Variants in SRGAP2 observed in about 807,000 individuals in gnomAD.
SRGAP2 encodes SLIT-ROBO Rho GTPase-activating protein 2.
In SRGAP2, 15 loss-of-function variants were observed where a neutral mutation model predicts 57.2. The ratio of observed to expected loss-of-function variants is 0.26; its 90% CI spans 0.18 to 0.40. SRGAP2 has a LOEUF of 0.40. Among genes scored for constraint, SRGAP2 ranks in the 10% least tolerant of loss-of-function variants. The pLI is 1.00. For synonymous variants in SRGAP2, 249 were observed against 248.0 expected, an observed-to-expected ratio of 1.00 and a Z score of -0.04; for missense variants, 520 against 669.6, an observed-to-expected ratio of 0.78 and a Z score of 2.47.
At chr1:206,258,224 CA>C (rs1235605070) in intron 2 of SRGAP2, among the ~76,000 whole-genome samples, 3 of 151,796 alleles carry the variant, frequency 2.0e-5, no homozygotes, top group Non-Finnish European at 4.4e-5. Flanking sequence ...ATGAATAAGC[CA>C]TATTGGAACA....
At chr1:206,444,098 G>A (rs1553372981) in intron 17 of SRGAP2, among the ~76,000 whole-genome samples, 1 of 151,640 alleles carries the variant, frequency 6.6e-6, no homozygotes, top group African/African-American at 2.4e-5. Context: ...GCTGAGGCAG[G>A]AGAATCACTT....
intron 3 of SRGAP2, among the ~76,000 whole-genome samples, chr1:206,332,868 G>A (rs1674473876): frequency 6.6e-6 from 1 of 151,146 alleles, no homozygotes; most frequent in African/African-American, 2.4e-5. Flanking sequence ...GCGTTCCTTT[G>A]GAGGAGGAGA....
intron 3 of SRGAP2, among the ~76,000 whole-genome samples, chr1:206,307,606 G>C (rs1672320922): frequency 1.3e-5 from 2 of 152,264 alleles, no homozygotes; most frequent in African/African-American, 4.8e-5. Flanking sequence ...CCGCGGGAAG[G>C]CAGCTAAGGC....
Position 206,419,412 on chromosome 1 carries a change from C to T in SRGAP2, c.1469+12C>T, listed in dbSNP as rs1660094433. The T allele has an allele frequency of 2.6e-6, 2 of 780,624 alleles. No homozygotes were observed. The highest frequency in any genetic ancestry group is 2.7e-5 in the South Asian group (2 of 74,618). The allele number at this position is 780,624 out of a possible 1,614,324, so 48.4% of individuals were successfully genotyped here. On this transcript the variant is annotated intron_variant, in intron 12 of 22. Transcript: ENST00000573034. ...TGCAGTCTAGCCAGGTGAGTGTGGC[C>T]TGGGACAGGCCTGGGAAGTGATAGA... is the stretch of plus-strand genomic sequence containing the variant.
chr1:206,342,343 T>C (rs2102918621), intron 3 of SRGAP2, among the ~76,000 whole-genome samples: 1 of 152,236 alleles, frequency 6.6e-6, no homozygotes, highest in African/African-American at 2.4e-5. Flanking sequence ...GTGGCTAAAA[T>C]GATGGACTTC....
chr1:206,252,006 TTA>T (rs1369419716), intron 2 of SRGAP2, among the ~76,000 whole-genome samples: 9 of 89,644 alleles, frequency 1.0e-4, no homozygotes, highest in Non-Finnish European at 2.2e-5. Context: ...TGCCCGGCCC[TTA>T]TATATATTTT....
intron 10 of SRGAP2, among the ~76,000 whole-genome samples, chr1:206,414,025 TTTTC>T (rs1222255095): frequency 2.7e-5 from 4 of 148,722 alleles, no homozygotes; most frequent in Admixed American, 6.6e-5. Context: ...TTTCTTTTCT[TTTTC>T]TTTCTTTTTT....
At chr1:206,423,972 T>A (rs1457641510) in intron 13 of SRGAP2, among the ~76,000 whole-genome samples, 2 of 148,646 alleles carry the variant, frequency 1.3e-5, no homozygotes, top group Non-Finnish European at 3.0e-5. Flanking sequence ...TTTTTTTTTT[T>A]TATAGAGACT....
intron 7 of SRGAP2, among the ~76,000 whole-genome samples, chr1:206,398,017 A>G (rs1553354198): frequency 7.6e-6 from 1 of 132,098 alleles, no homozygotes; most frequent in East Asian, 2.1e-4. Context: ...TTAATGAGCT[A>G]TCAACTCAAG....
intron 2 of SRGAP2, among the ~76,000 whole-genome samples, chr1:206,301,144 G>A (rs1334740808): frequency 6.6e-6 from 1 of 152,104 alleles, no homozygotes; most frequent in Non-Finnish European, 1.5e-5. Flanking sequence ...CCATTCTCCC[G>A]CCTCAGCCTC....
chr1:206,439,378 A>G (rs2103328908), intron 16 of SRGAP2, among the ~76,000 whole-genome samples: 1 of 151,904 alleles, frequency 6.6e-6, no homozygotes, highest in Non-Finnish European at 1.5e-5. Flanking sequence ...CTTTTTACTC[A>G]TTCATAGTGC....
intron 17 of SRGAP2, among the ~76,000 whole-genome samples, chr1:206,442,789 C>G (rs1469749610): frequency 6.6e-6 from 1 of 152,192 alleles, no homozygotes; most frequent in East Asian, 1.9e-4. Context: ...CACAGGAAGA[C>G]AGCAGCTGAC....
intron 2 of SRGAP2, among the ~76,000 whole-genome samples, chr1:206,241,842 C>G (rs1668248772): frequency 6.6e-6 from 1 of 151,326 alleles, no homozygotes; most frequent in Non-Finnish European, 1.5e-5. Flanking sequence ...AATGATTGCT[C>G]TATGGATTTA....
chr1:206,442,321 G>A (rs376898475), intron 17 of SRGAP2, among the ~76,000 whole-genome samples: 3 of 152,344 alleles, frequency 2.0e-5, no homozygotes, highest in South Asian at 2.1e-4. Context: ...GTCACACAGC[G>A]TGTTCATGTG....
chr1:206,441,615 T>C (rs782688090), intron 17 of SRGAP2, among the ~76,000 whole-genome samples: 2 of 152,256 alleles, frequency 1.3e-5, no homozygotes, highest in Non-Finnish European at 2.9e-5. Context: ...ATGTGTTCTC[T>C]TCAGGTGTCT....
At chr1:206,461,012 C>A (rs1553380328) in intron 22 of SRGAP2, 25 bp from the exon 23 acceptor site, 1 of 673,496 alleles carries the variant, frequency 1.5e-6, no homozygotes, top group Non-Finnish European at 2.7e-6. Flanking sequence ...ATTTGCCTCA[C>A]CTCCTCCTTT....
Position 206,414,055 on chromosome 1 carries a change from A to G in SRGAP2, c.1357-1834A>G, listed in dbSNP as rs188238320. 9.8e-5 allele frequency among the ~76,000 whole-genome samples: 14 copies of G among 142,998 alleles called. No homozygotes were observed. The East Asian group carries it at 2.6e-3, about 26-fold the overall frequency. 93.8% of individuals were successfully genotyped at this position (142,998 alleles called of 152,430 possible). On this transcript the variant is annotated intron_variant, in intron 10 of 22. Coordinates refer to ENST00000573034, the MANE Select transcript of SRGAP2 (RefSeq NM_015326.5). Reference sequence around the variant, plus strand: ...TTTCTTTTTTTTTTTTTTTTGAGACAGAGTCTTGCTCTGTCGCTCAGGCTG... The same window carrying G: ...TTTCTTTTTTTTTTTTTTTTGAGACGGAGTCTTGCTCTGTCGCTCAGGCTG...
At chr1:206,440,151 T>C (rs531822390) in intron 17 of SRGAP2, 70 bp downstream of exon 17, 3 of 745,448 alleles carry the variant, frequency 4.0e-6, no homozygotes, top group South Asian at 2.9e-5. Context: ...TCTATGGACC[T>C]ATGCCTATTC....
chr1:206,365,604 A>T (rs1227202514), intron 4 of SRGAP2, among the ~76,000 whole-genome samples: 1 of 131,684 alleles, frequency 7.6e-6, no homozygotes, highest in Admixed American at 7.5e-5. Context: ...CGTAATACTC[A>T]CACTTCAAAT....
Sources: gnomAD v4.1 joint callset for allele counts (sites outside exome capture counted in the v4.1 genomes callset) on GRCh38, gnomAD v4.1.1 for gene constraint, MANE v1.5 for transcripts, NCBI Gene and HGNC (gene_info 2026-07-23, HGNC 2026-07-21) for gene names.